The following TMEM132B variants were observed in gnomAD, a reference collection of about 807,000 sequenced individuals.
TMEM132B encodes the protein transmembrane protein 132B.
A neutral mutation model predicts 90.8 loss-of-function variants in TMEM132B; 18 were observed. The observed-to-expected ratio is 0.20, with a 90% CI of 0.14 to 0.29. The LOEUF (loss-of-function observed/expected upper bound fraction) is 0.29, where lower values mean the gene tolerates loss of function less well. Among genes scored for constraint, TMEM132B ranks in the 10% least tolerant of loss-of-function variants. The pLI is 1.00. For synonymous variants in TMEM132B, 504 were observed against 523.3 expected, an observed-to-expected ratio of 0.96 and a Z score of 0.50; for missense variants, 1,096 against 1,326.8, an observed-to-expected ratio of 0.83 and a Z score of 2.70.
At chr12:125,584,562 ATAAC>A (rs138570540) in intron 5 of TMEM132B, 16,513 of 152,778 alleles carry the variant, frequency 0.11, 1,143 homozygotes, top group African/African-American at 0.19. Context: ...ATTAAAATAA[ATAAC>A]TATTCAAATA....
At chr12:125,218,769 G>GTTTTTTTTT (rs34905706) in intron 1 of TMEM132B, among the ~76,000 whole-genome samples, 10 of 108,852 alleles carry the variant, frequency 9.2e-5, no homozygotes, top group African/African-American at 1.0e-4. Flanking sequence ...TGTTGAAGCT[G>GTTTTTTTTT]TTTTTTTTTT....
chr12:125,568,315 G>A (rs1884709192), intron 4 of TMEM132B, among the ~76,000 whole-genome samples: 2 of 152,108 alleles, frequency 1.3e-5, no homozygotes, highest in Admixed American at 6.5e-5. Context: ...TTTGATACAG[G>A]CATGCAATGC....
chr12:125,225,781 C>T (rs765740034), intron 1 of TMEM132B, among the ~76,000 whole-genome samples: 6 of 152,146 alleles, frequency 3.9e-5, no homozygotes, highest in East Asian at 1.9e-4. Context: ...CCCATATATG[C>T]GCCAGGTCTG....
At chr12:125,264,474 G>A (rs546006607) in intron 1 of TMEM132B, among the ~76,000 whole-genome samples, 29 of 152,338 alleles carry the variant, frequency 1.9e-4, no homozygotes, top group African/African-American at 6.5e-4. Flanking sequence ...GCAGCCTGGA[G>A]GGGCCCAAGC....
rs1456934859 is a variant in TMEM132B at position 125,350,313 on chromosome 12, G to C, written c.929G>C (p.Ser310Thr). 6.2e-7 allele frequency: 1 copy of C among 1,613,484 alleles called. No homozygotes were observed. Among genetic ancestry groups the C allele is most frequent in the South Asian group, 1.1e-5 (1 of 91,046 alleles). Residue 310 changes from serine to threonine, a missense_variant, in exon 2 of 9, where the codon AGT becomes ACT. Physicochemically the swap from Ser to Thr is moderately conservative, Grantham distance 58. Transcript: ENST00000682704. The stretch of plus-strand genomic sequence containing the variant: ...GCCACCTTTTTGGTCTCTCTGACCA[G>C]TAGCTCTGTGGCAGACCAGTTCACT... ...DTATFLVSLT[S>T]SSVADQFTLR...
chr12:125,411,429 G>C (rs1879835497), intron 2 of TMEM132B, among the ~76,000 whole-genome samples: 1 of 151,614 alleles, frequency 6.6e-6, no homozygotes, highest in South Asian at 2.1e-4. Context: ...CAGGTTGATG[G>C]GTGCAGCAAA....
At chr12:125,197,195 C>T (rs1429380219) in intron 1 of TMEM132B, among the ~76,000 whole-genome samples, 1 of 152,110 alleles carries the variant, frequency 6.6e-6, no homozygotes, top group Non-Finnish European at 1.5e-5. Context: ...TGTTGTTCCC[C>T]TCTGTGTGTC....
At chr12:125,422,191 A>G (rs2136378353) in intron 3 of TMEM132B, among the ~76,000 whole-genome samples, 1 of 152,346 alleles carries the variant, frequency 6.6e-6, no homozygotes, top group African/African-American at 2.4e-5. Flanking sequence ...GAAATATTAG[A>G]ACCCTGTAAA....
At chr12:125,304,899 A>G (rs1875921648) in intron 1 of TMEM132B, among the ~76,000 whole-genome samples, 1 of 152,130 alleles carries the variant, frequency 6.6e-6, no homozygotes, top group Non-Finnish European at 1.5e-5. Context: ...GCAGGTATTG[A>G]CACATTCTTA....
chr12:125,633,287 C>T (rs1886408830), intron 5 of TMEM132B, among the ~76,000 whole-genome samples: 1 of 152,130 alleles, frequency 6.6e-6, no homozygotes, highest in Non-Finnish European at 1.5e-5. Context: ...ATTTCAATCT[C>T]TTTGTTAAAT....
At chr12:125,379,344 A>G (rs1000655524) in intron 2 of TMEM132B, among the ~76,000 whole-genome samples, 2 of 152,186 alleles carry the variant, frequency 1.3e-5, no homozygotes, top group Non-Finnish European at 2.9e-5. Flanking sequence ...AATCAAAGAG[A>G]GAGCACTGAA....
intron 5 of TMEM132B, among the ~76,000 whole-genome samples, chr12:125,638,633 T>C (rs1490860590): frequency 6.6e-6 from 1 of 152,090 alleles, no homozygotes; most frequent in Non-Finnish European, 1.5e-5. Flanking sequence ...TAGCAGCACA[T>C]GTCTCGGGTT....
intron 5 of TMEM132B, among the ~76,000 whole-genome samples, chr12:125,637,575 T>A (rs894562144): frequency 2.0e-5 from 3 of 151,884 alleles, no homozygotes; most frequent in African/African-American, 7.3e-5. Context: ...GGAAGCAAAG[T>A]GGGGGGACAA....
rs190884960 is a variant in TMEM132B at position 125,349,621 on chromosome 12, C to T, written c.237C>T (p.Phe79=). ...TGCAGGCCCGGGTGGAGCCATTCTT[C>T]ATCTACCGAGCCAGGACACCCCCTA... ...SSLQARVEPF[F]IYRARTPPII... Residue 79 remains phenylalanine (F), a synonymous_variant, in exon 2 of 9, where the codon TTC becomes TTT. Transcript: ENST00000682704. This position sits in a 1 kb window ranked among gnomAD's most constrained non-coding sequence, Gnocchi z 4.1. 8.1e-6 allele frequency: 13 copies of T among 1,614,164 alleles called. No individual in the cohort carries two copies. The East Asian group carries it at 1.1e-4, about 14-fold the overall frequency.
intron 5 of TMEM132B, among the ~76,000 whole-genome samples, chr12:125,620,140 C>T (rs1886085110): frequency 6.6e-6 from 1 of 152,196 alleles, no homozygotes; most frequent in Non-Finnish European, 1.5e-5. Flanking sequence ...TCAGGAAATA[C>T]ATCTCTTACT....
rs897957885 is a variant in TMEM132B at position 125,538,980 on chromosome 12, C to T, written c.1293+19355C>T. Among the ~76,000 whole-genome samples, 13 of 152,300 alleles carry T rather than the reference C, an allele frequency of 8.5e-5. No homozygotes were observed. The East Asian group carries it at 9.7e-4, about 11-fold the overall frequency. ...TCACTCCGTCTCCACTGCCAGCACCCGAGCCCAGCCACCACCATCTCCTGC... is the reference window on the plus strand; with the variant it reads ...TCACTCCGTCTCCACTGCCAGCACCTGAGCCCAGCCACCACCATCTCCTGC... On this transcript the variant is annotated intron_variant, in intron 4 of 8. Coordinates refer to ENST00000682704, the MANE Select transcript of TMEM132B (RefSeq NM_001366854.1).
chr12:125,563,147 G>A (rs12298966), intron 4 of TMEM132B, among the ~76,000 whole-genome samples: 13,719 of 138,548 alleles, frequency 0.099, 1,373 homozygotes, highest in African/African-American at 0.23. Context: ...ACCATAATGC[G>A]TAATAATAAT....
chr12:125,331,932 A>AT (rs1055645290), intron 1 of TMEM132B, among the ~76,000 whole-genome samples: 24 of 151,330 alleles, frequency 1.6e-4, no homozygotes, highest in Non-Finnish European at 2.1e-4. Flanking sequence ...TTTTATTTAC[A>AT]TTTTTTTTGT....
chr12:125,244,753 A>G (rs924401476), intron 1 of TMEM132B, among the ~76,000 whole-genome samples: 8 of 152,192 alleles, frequency 5.3e-5, no homozygotes, highest in Admixed American at 1.3e-4. Flanking sequence ...CGAAGGGATG[A>G]TGGCTTGTCC....
Sources: allele counts gnomAD v4.1 joint callset (sites outside exome capture counted in the v4.1 genomes callset), GRCh38; gene constraint gnomAD v4.1.1; non-coding constraint Gnocchi (gnomAD v3.1); transcripts MANE v1.5; gene names NCBI Gene and HGNC (gene_info 2026-07-23, HGNC 2026-07-21).